HM13: variants seen among roughly 807,000 people sequenced by gnomAD.
HM13 encodes signal peptide peptidase.
A neutral mutation model predicts 50.0 loss-of-function variants in HM13; 18 were observed. The ratio of observed to expected loss-of-function variants is 0.36; its 90% CI spans 0.25 to 0.53. The LOEUF is 0.53. Among genes scored for constraint, HM13 ranks in the 20% least tolerant of loss-of-function variants. HM13 has a pLI of 0.90. For synonymous variants in HM13, 197 were observed against 232.6 expected, an observed-to-expected ratio of 0.85 and a Z score of 1.39; for missense variants, 393 against 552.4, an observed-to-expected ratio of 0.71 and a Z score of 2.89.
intron 7 of HM13, among the ~76,000 whole-genome samples, chr20:31,553,372 C>T (rs1013616990): frequency 1.3e-5 from 2 of 152,036 alleles, no homozygotes; most frequent in Non-Finnish European, 1.5e-5. Flanking sequence ...CAGGATTTTC[C>T]TGATTGGCTT....
chr20:31,561,534 C>T (rs777483844), intron 9 of HM13, 100 bp from the exon 10 acceptor site: 3 of 817,694 alleles, frequency 3.7e-6, no homozygotes, highest in Admixed American at 1.9e-5. Flanking sequence ...AGTCACCCCC[C>T]CACAACCTCT....
intron 4 of HM13, 172 bp from the exon 5 acceptor site, chr20:31,548,857 G>T (rs1357858737): frequency 6.0e-6 from 4 of 670,258 alleles, no homozygotes; most frequent in South Asian, 3.4e-5. Flanking sequence ...GGTGGCTCCA[G>T]TGAGCTCTCC....
At chr20:31,520,106 C>A (rs1380221509) in intron 1 of HM13, among the ~76,000 whole-genome samples, 1 of 151,942 alleles carries the variant, frequency 6.6e-6, no homozygotes, top group Non-Finnish European at 1.5e-5. Context: ...ATCTGCCCGC[C>A]TTGGCCTCCT....
chr20:31,548,812 C>T (rs1983860715), intron 4 of HM13: 2 of 590,478 alleles, frequency 3.4e-6, no homozygotes, highest in East Asian at 2.8e-5. Flanking sequence ...CTCTCTGGGC[C>T]TCCATTCCCT....
rs1416217617 is a variant in HM13, at chr20:31,514,888, G to T, written c.183+154G>T. Among the ~76,000 whole-genome samples, 1 of 152,100 alleles carries T rather than the reference G, an allele frequency of 6.6e-6. No individual in the cohort carries two copies. The highest frequency in any genetic ancestry group is 2.4e-5 in the African/African-American group (1 of 41,420). Reference sequence around the variant, plus strand: ...CCTCTGTCTCGGGCCCACATTCCGGGGCTGGCATTTCCTACCCCGGGATCT... The same window carrying T: ...CCTCTGTCTCGGGCCCACATTCCGGTGCTGGCATTTCCTACCCCGGGATCT... On this transcript the variant is annotated intron_variant, in intron 1 of 12. Transcript: ENST00000398174. The surrounding 1 kb of genome is among the most constrained non-coding windows in gnomAD (Gnocchi z 4.3).
intron 7 of HM13, among the ~76,000 whole-genome samples, chr20:31,552,339 C>G (rs535083290): frequency 1.3e-5 from 2 of 152,286 alleles, no homozygotes; most frequent in South Asian, 4.1e-4. Flanking sequence ...AGCAGAGAAT[C>G]AGGGAGTGGG....
chr20:31,526,940 A>T (rs1207255376), intron 1 of HM13, among the ~76,000 whole-genome samples: 1 of 152,190 alleles, frequency 6.6e-6, no homozygotes, highest in Non-Finnish European at 1.5e-5. Context: ...TCTCTCAGTT[A>T]TTCCATACTG....
chr20:31,531,890 G>A (rs1258166214), intron 2 of HM13, among the ~76,000 whole-genome samples: 1 of 152,166 alleles, frequency 6.6e-6, no homozygotes, highest in Non-Finnish European at 1.5e-5. Flanking sequence ...GAGCACAGGA[G>A]TTCAAGGCTA....
At chr20:31,546,175 G>A (rs1463277216) in intron 4 of HM13, among the ~76,000 whole-genome samples, 2 of 149,742 alleles carry the variant, frequency 1.3e-5, no homozygotes, top group Non-Finnish European at 3.0e-5. Flanking sequence ...TCAGCCTCCC[G>A]AGTAGCTGGG....
At chr20:31,545,727 CTT>C (rs530189530) in intron 4 of HM13, among the ~76,000 whole-genome samples, 2 of 152,246 alleles carry the variant, frequency 1.3e-5, no homozygotes, top group South Asian at 4.1e-4. Flanking sequence ...GCAGGTATTT[CTT>C]TGTTTTTTGT....
At chr20:31,568,262 T>C in intron 12 of HM13, 38 bp downstream of exon 12, 1 of 1,603,696 alleles carries the variant, frequency 6.2e-7, no homozygotes, top group Non-Finnish European at 8.5e-7. Flanking sequence ...CGCTTCCCCC[T>C]ACTGCCCCGG....
At chr20:31,562,690 ACT>A (rs1473332712) in intron 10 of HM13, 19 of 151,838 alleles carry the variant, frequency 1.3e-4, no homozygotes, top group African/African-American at 4.6e-4. Flanking sequence ...TTTTTTAATC[ACT>A]CTGTGCCAGG....
chr20:31,518,691 G>A lies in HM13; in HGVS notation c.183+3957G>A, dbSNP rs1034271439. On this transcript the variant is annotated intron_variant, in intron 1 of 12. Coordinates refer to ENST00000398174, the MANE Select transcript of HM13 (RefSeq NM_178581.3). ...TATGTTTCATTATTTTTCTATGTCA[G>A]TACATATAGACCTAAAGTTAACCAG... is the stretch of plus-strand genomic sequence containing the variant. 3.3e-5 allele frequency among the ~76,000 whole-genome samples: 5 copies of A among 151,776 alleles called. No homozygotes were observed. The South Asian group carries it at 8.3e-4, about 25-fold the overall frequency.
intron 2 of HM13, 97 bp downstream of exon 2, chr20:31,527,679 T>C (rs1418280343): frequency 8.1e-6 from 7 of 864,382 alleles, no homozygotes; most frequent in Non-Finnish European, 1.3e-5. Flanking sequence ...TGTTCATTTA[T>C]AGAAAATAAA....
intron 3 of HM13, among the ~76,000 whole-genome samples, chr20:31,542,721 A>G (rs1983516556): frequency 6.6e-6 from 1 of 152,182 alleles, no homozygotes; most frequent in African/African-American, 2.4e-5. Context: ...AATAACAAAG[A>G]TATCAATCTA....
At chr20:31,530,255 G>A (rs796490757) in intron 2 of HM13, among the ~76,000 whole-genome samples, 6 of 152,092 alleles carry the variant, frequency 3.9e-5, no homozygotes, top group African/African-American at 1.4e-4. Flanking sequence ...AAGTACAAAT[G>A]AACCATAATC....
intron 3 of HM13, among the ~76,000 whole-genome samples, chr20:31,542,424 C>T (rs961374800): frequency 2.0e-5 from 3 of 152,210 alleles, no homozygotes; most frequent in Admixed American, 6.5e-5. Context: ...CCTTCCACCC[C>T]CAGGGGAGAA....
intron 3 of HM13, 152 bp downstream of exon 3, chr20:31,538,413 T>C (rs1173666329): frequency 2.0e-6 from 3 of 1,492,172 alleles, no homozygotes; most frequent in African/African-American, 1.4e-5. Flanking sequence ...ACACTGTAGA[T>C]GACTAGGACA....
chr20:31,568,063 C>A lies in HM13; in HGVS notation c.1035-15C>A. The A allele has an allele frequency of 6.3e-7, 1 of 1,586,340 alleles. No individual in the cohort carries two copies. Among genetic ancestry groups the A allele is most frequent in the East Asian group, 2.3e-5 (1 of 43,616 alleles). On this transcript the variant is annotated splice_polypyrimidine_tract_variant and intron_variant, in intron 11 of 12. Transcript: ENST00000398174. ...CCATCTCTTTTTTTCTGTCTCTTCT[C>A]TCTCTCTCACACAGCTACGAGTCCT...
Sources: allele counts gnomAD v4.1 joint callset (sites outside exome capture counted in the v4.1 genomes callset), GRCh38; gene constraint gnomAD v4.1.1; non-coding constraint Gnocchi (gnomAD v3.1); transcripts MANE v1.5; gene names NCBI Gene and HGNC (gene_info 2026-07-23, HGNC 2026-07-21).